The following CNTN1 variants were observed in gnomAD, a reference collection of about 807,000 sequenced individuals.
CNTN1 encodes the protein contactin-1.
Under a neutral mutation model 126.4 loss-of-function variants are expected in CNTN1, and 38 were observed. The ratio of observed to expected loss-of-function variants is 0.30; its 90% CI spans 0.23 to 0.39. The LOEUF (loss-of-function observed/expected upper bound fraction) is 0.39, where lower values mean the gene tolerates loss of function less well. CNTN1 is among the 10% of genes least tolerant of loss of function. The pLI, the probability that CNTN1 is intolerant of heterozygous loss-of-function variation, is 1.00. For synonymous variants in CNTN1, 413 were observed against 422.6 expected, an observed-to-expected ratio of 0.98 and a Z score of 0.28; for missense variants, 1,009 against 1,248.4, an observed-to-expected ratio of 0.81 and a Z score of 2.89.
chr12:41,037,663 T>TACAC (rs55890336), intron 23 of CNTN1, among the ~76,000 whole-genome samples: 9,888 of 144,398 alleles, frequency 0.068, 409 homozygotes, highest in South Asian at 0.16. Context: ...GTGTGTTTAA[T>TACAC]ACACACACAC....
At chr12:40,838,706 C>T (rs1474238855) in intron 1 of CNTN1, among the ~76,000 whole-genome samples, 1 of 152,304 alleles carries the variant, frequency 6.6e-6, no homozygotes. Context: ...TATACAGAGA[C>T]ACACTTAGAA....
chr12:40,956,874 T>C (rs1946904328), intron 14 of CNTN1, among the ~76,000 whole-genome samples: 1 of 151,946 alleles, frequency 6.6e-6, no homozygotes, highest in African/African-American at 2.4e-5. Context: ...GGAACAGTGG[T>C]GGAAGTAGTG....
chr12:40,866,119 C>A (rs1327635793), intron 1 of CNTN1, among the ~76,000 whole-genome samples: 1 of 131,244 alleles, frequency 7.6e-6, no homozygotes, highest in Non-Finnish European at 1.7e-5. Context: ...TTAGATTGTT[C>A]ATTGCAAGTA....
intron 1 of CNTN1, among the ~76,000 whole-genome samples, chr12:40,865,831 G>T (rs1943276531): frequency 6.6e-6 from 1 of 152,016 alleles, no homozygotes; most frequent in Admixed American, 6.6e-5. Flanking sequence ...TTAATTTTAA[G>T]ATTGGCTTGT....
chr12:40,914,584 G>A (rs917289825), intron 3 of CNTN1, among the ~76,000 whole-genome samples: 3 of 152,242 alleles, frequency 2.0e-5, no homozygotes, highest in South Asian at 2.1e-4. Context: ...TGAATGTGAC[G>A]TGAAGTGTGT....
intron 1 of CNTN1, among the ~76,000 whole-genome samples, chr12:40,768,089 T>A (rs1939188852): frequency 6.6e-6 from 1 of 152,248 alleles, no homozygotes; most frequent in Non-Finnish European, 1.5e-5. Flanking sequence ...GGAGATTGGC[T>A]TTACAACGTT....
At chr12:40,717,045 T>C (rs1942069412) in intron 1 of CNTN1, among the ~76,000 whole-genome samples, 1 of 151,072 alleles carries the variant, frequency 6.6e-6, no homozygotes, top group Non-Finnish European at 1.5e-5. Flanking sequence ...GTACATATTT[T>C]TATGTAACCC....
At chr12:40,830,960 T>C (rs35287323) in intron 1 of CNTN1, among the ~76,000 whole-genome samples, 21,152 of 120,818 alleles carry the variant, frequency 0.18, 2,074 homozygotes, top group Admixed American at 0.26. Context: ...TATATATATA[T>C]ATACACACAC....
intron 1 of CNTN1, among the ~76,000 whole-genome samples, chr12:40,754,959 G>C (rs866754710): frequency 1.3e-5 from 2 of 151,852 alleles, no homozygotes; most frequent in African/African-American, 2.4e-5. Context: ...ACTTTGGGAA[G>C]CCAAGGTGGA....
At chr12:40,881,763 T>C (rs1196029763) in intron 1 of CNTN1, among the ~76,000 whole-genome samples, 1 of 151,688 alleles carries the variant, frequency 6.6e-6, no homozygotes, top group Admixed American at 6.6e-5. Context: ...GGGTTTACCG[T>C]TTTGTCTAAA....
Position 40,933,679 on chromosome 12 carries a change from T to C in CNTN1, c.804-18T>C, listed in dbSNP as rs2136920083. ...TTTAAGTGTGTGAAACTTTAACCCT[T>C]GTATCTTCTATTTAAAGTCCTGTTC... On this transcript the variant is annotated intron_variant, in intron 8 of 23. Transcript: ENST00000551295. 6.2e-7 allele frequency: 1 copy of C among 1,610,906 alleles called. No homozygotes were observed. Among genetic ancestry groups the C allele is most frequent in the Non-Finnish European group, 8.5e-7 (1 of 1,177,400 alleles).
chr12:40,786,060 A>T (rs1446094777), intron 1 of CNTN1, among the ~76,000 whole-genome samples: 1 of 152,222 alleles, frequency 6.6e-6, no homozygotes, highest in African/African-American at 2.4e-5. Flanking sequence ...CTGTAAAAAC[A>T]TAGTTCTGTA....
intron 1 of CNTN1, among the ~76,000 whole-genome samples, chr12:40,891,516 C>T (rs1412746128): frequency 6.6e-6 from 1 of 152,036 alleles, no homozygotes; most frequent in Admixed American, 6.6e-5. Context: ...TATAGTTTTG[C>T]ATTTTAAATT....
At chr12:40,924,881 C>CATATATATAT (rs138237336) in intron 6 of CNTN1, among the ~76,000 whole-genome samples, 1,162 of 112,106 alleles carry the variant, frequency 0.01, 71 homozygotes, top group African/African-American at 0.031. Flanking sequence ...AGTTTATAAA[C>CATATATATAT]ATATATATAT....
At chr12:41,040,799 T>G (rs564273437) in intron 23 of CNTN1, among the ~76,000 whole-genome samples, 15 of 149,420 alleles carry the variant, frequency 1.0e-4, no homozygotes, top group African/African-American at 3.2e-4. Flanking sequence ...GCTTATCAGC[T>G]TAAGGAGATT....
At chr12:40,857,460 TGAAAGTTGACAGA>T (rs1942952845) in intron 1 of CNTN1, among the ~76,000 whole-genome samples, 1 of 152,066 alleles carries the variant, frequency 6.6e-6, no homozygotes, top group South Asian at 2.1e-4. Flanking sequence ...GGAACTTTGA[TGAAAGTTGACAGA>T]GAAAGCAGCC....
intron 23 of CNTN1, among the ~76,000 whole-genome samples, chr12:41,056,507 A>C (rs963931280): frequency 2.6e-5 from 4 of 152,174 alleles, no homozygotes; most frequent in Non-Finnish European, 5.9e-5. Flanking sequence ...AAACAGAGAT[A>C]CCCAGAAATA....
intron 1 of CNTN1, among the ~76,000 whole-genome samples, chr12:40,807,685 T>C (rs1940911798): frequency 6.6e-6 from 1 of 152,200 alleles, no homozygotes; most frequent in South Asian, 2.1e-4. Flanking sequence ...TCTGTTCTTA[T>C]GTTTCTTCAA....
At chr12:40,917,822 G>A (rs1221376980) in intron 3 of CNTN1, among the ~76,000 whole-genome samples, 2 of 152,152 alleles carry the variant, frequency 1.3e-5, no homozygotes, top group Non-Finnish European at 2.9e-5. Flanking sequence ...AATAGACCAT[G>A]AGGAATAACT....
Sources: gnomAD v4.1 joint callset for allele counts (sites outside exome capture counted in the v4.1 genomes callset) on GRCh38, gnomAD v4.1.1 for gene constraint, MANE v1.5 for transcripts, NCBI Gene and HGNC (gene_info 2026-07-23, HGNC 2026-07-21) for gene names.